Variants in ILDR2 observed in about 807,000 individuals in gnomAD.
ILDR2 encodes the protein immunoglobulin like domain containing receptor 2.
A neutral mutation model predicts 66.8 loss-of-function variants in ILDR2; 25 were observed. The observed-to-expected ratio is 0.37, with a 90% CI of 0.27 to 0.52. The LOEUF is 0.52. ILDR2 is among the 20% of genes least tolerant of loss of function. The pLI is 0.88. For missense variants in ILDR2, 827 were observed against 876.8 expected (o/e 0.94, Z 0.72); for synonymous variants, 367 against 357.2 (o/e 1.03, Z -0.31).
chr1:166,937,536 A>G (rs954230706), intron 4 of ILDR2, among the ~76,000 whole-genome samples: 6 of 152,242 alleles, frequency 3.9e-5, no homozygotes, highest in Non-Finnish European at 4.4e-5. Flanking sequence ...GCTGACATGT[A>G]TATCTGGGTA....
chr1:166,936,460 G>T lies in ILDR2; in HGVS notation c.703+131C>A. 1 of 1,389,080 alleles carries T rather than the reference G, an allele frequency of 7.2e-7. No homozygotes were observed. The highest frequency in any genetic ancestry group is 9.8e-7 in the Non-Finnish European group (1 of 1,015,380). The allele number at this position is 1,389,080 out of a possible 1,614,324, so 86.0% of individuals were successfully genotyped here. A position where few individuals can be genotyped will look rare whatever the true frequency, so the allele number is the denominator to read the frequency against. On this transcript the variant is annotated intron_variant, in intron 5 of 9. Coordinates refer to ENST00000271417, the MANE Select transcript of ILDR2 (RefSeq NM_199351.3). The surrounding 1 kb of genome is among the most constrained non-coding windows in gnomAD (Gnocchi z 5.0). ...GAGGCCAGGGGCACCCAGCGGAGAA[G>T]AGTCTGGAATGACCAATCTTGGGGG...
chr1:166,952,259 A>T (rs1283904896), intron 3 of ILDR2, among the ~76,000 whole-genome samples: 1 of 152,092 alleles, frequency 6.6e-6, no homozygotes, highest in Non-Finnish European at 1.5e-5. Context: ...TCCTAGACAA[A>T]TTTCTAATCT....
intron 8 of ILDR2, 66 bp downstream of exon 8, chr1:166,922,527 C>A: frequency 3.8e-6 from 5 of 1,329,616 alleles, no homozygotes; most frequent in Non-Finnish European, 5.4e-6. Flanking sequence ...TCCTTGCCTC[C>A]GATCTACCCT....
intron 6 of ILDR2, among the ~76,000 whole-genome samples, chr1:166,928,846 A>G (rs1261675197): frequency 3.3e-5 from 5 of 152,184 alleles, no homozygotes; most frequent in African/African-American, 1.2e-4. Context: ...AAATTAATGA[A>G]TCTCAGCACA....
chr1:166,958,989 C>T (rs1662450290), intron 1 of ILDR2, among the ~76,000 whole-genome samples: 1 of 152,178 alleles, frequency 6.6e-6, no homozygotes, highest in Admixed American at 6.5e-5. Context: ...GCCTCAGCCT[C>T]ACCTCTCACC....
chr1:166,950,312 A>G (rs972280250), intron 3 of ILDR2, among the ~76,000 whole-genome samples: 4 of 152,192 alleles, frequency 2.6e-5, no homozygotes, highest in African/African-American at 9.6e-5. Context: ...AAGACCTCCA[A>G]GGAGGCTGTT....
downstream of ILDR2, among the ~76,000 whole-genome samples, chr1:166,907,641 T>A (rs138034717): frequency 3.9e-5 from 6 of 152,342 alleles, no homozygotes; most frequent in East Asian, 1.2e-3. Flanking sequence ...TCATGGGTAA[T>A]CAATAATCAG....
At position 166,943,781 on chromosome 1, in the gene ILDR2, G is replaced by A. The variant is rs1232904734; in HGVS notation, c.500-4211C>T. On this transcript the variant is annotated intron_variant, in intron 3 of 9. Transcript: ENST00000271417. Reference sequence around the variant, plus strand: ...TTTCAGCAGCACTTTACCAACACTTGTGAATCGCTGTCATTCTTCCAGGAT... The same window carrying A: ...TTTCAGCAGCACTTTACCAACACTTATGAATCGCTGTCATTCTTCCAGGAT... The A allele has an allele frequency of 8.2e-6, 8 of 975,888 alleles. No homozygotes were observed. In the East Asian group the frequency reaches 9.1e-4, roughly 111 times the overall value. 60.5% of individuals were successfully genotyped at this position (975,888 alleles called of 1,614,324 possible). A position where few individuals can be genotyped will look rare whatever the true frequency, so the allele number is the denominator to read the frequency against.
rs1428699286 is a variant in ILDR2, at chr1:166,936,271, A to G, written c.703+320T>C. 4.6e-5 allele frequency among the ~76,000 whole-genome samples: 7 copies of G among 152,214 alleles called. No individual in the cohort carries two copies. Among genetic ancestry groups the G allele is most frequent in the Non-Finnish European group, 1.0e-4 (7 of 68,030 alleles). ...AGGTTTCCTCTAGTTTGAATGCCCCAGGGAGAGGGAACAGTCTTACACCAC... is the reference window on the plus strand; with the variant it reads ...AGGTTTCCTCTAGTTTGAATGCCCCGGGGAGAGGGAACAGTCTTACACCAC... On this transcript the variant is annotated intron_variant, in intron 5 of 9. Transcript: ENST00000271417. This position sits in a 1 kb window ranked among gnomAD's most constrained non-coding sequence, Gnocchi z 5.0.
chr1:166,901,483 A>C (rs1472948068), intron 2 of ILDR2, among the ~76,000 whole-genome samples: 1 of 152,170 alleles, frequency 6.6e-6, no homozygotes, highest in African/African-American at 2.4e-5. Context: ...TGAGGCTTTG[A>C]CACCAAGACA....
At position 166,916,600 on chromosome 1, in the gene ILDR2, G is replaced by A. The variant is rs1334976805; in HGVS notation, c.*2755C>T. On this transcript the variant is annotated 3_prime_UTR_variant, in exon 10 of 10. Transcript: ENST00000271417. ...CATAGAGGAAAGTCAGGGGTGCTGAGGACAAGAAGTTTTGACTTGTCAACT... is the reference window on the plus strand; with the variant it reads ...CATAGAGGAAAGTCAGGGGTGCTGAAGACAAGAAGTTTTGACTTGTCAACT... 3 of 152,220 alleles carry A rather than the reference G, an allele frequency of 2.0e-5. No individual in the cohort carries two copies. Among genetic ancestry groups the A allele is most frequent in the Non-Finnish European group, 4.4e-5 (3 of 68,050 alleles). The allele number at this position is 152,220 out of a possible 1,614,324, so 9.4% of individuals were successfully genotyped here.
Position 166,935,443 on chromosome 1 carries a change from G to A in ILDR2, c.738C>T (p.Tyr246=), listed in dbSNP as rs1348581831. The A allele has an allele frequency of 6.2e-7, 1 of 1,608,534 alleles. No individual in the cohort carries two copies. Among genetic ancestry groups the A allele is most frequent in the East Asian group, 2.2e-5 (1 of 44,812 alleles). The change falls in exon 6 of 10, where the codon TAC becomes TAT. Residue 246 remains tyrosine, a synonymous_variant. Transcript: ENST00000271417. ...YEAGKAAKAG[Y]PPSVSGVPGP... Reference sequence around the variant, plus strand: ...CGGGGACACCGGAGACAGAGGGAGGGTACCCGGCCTTTGCTGCTTTCCCTG... The same window carrying A: ...CGGGGACACCGGAGACAGAGGGAGGATACCCGGCCTTTGCTGCTTTCCCTG...
chr1:166,950,102 A>G (rs905300520), intron 3 of ILDR2, among the ~76,000 whole-genome samples: 1 of 152,262 alleles, frequency 6.6e-6, no homozygotes, highest in Non-Finnish European at 1.5e-5. Context: ...GGTACAGCTC[A>G]AGTCAAAAGA....
In ILDR2 at chr1:166,957,806, T is replaced by C. The variant is rs777110051; in HGVS notation, c.342A>G (p.Gly114=). The C allele has an allele frequency of 1.9e-6, 3 of 1,613,918 alleles. No individual in the cohort carries two copies. The highest frequency in any genetic ancestry group is 2.5e-6 in the Non-Finnish European group (3 of 1,179,936). The part of the protein sequence containing the change: ...ASKQGSTVTL[G]DFYRGREITI... ...TGATCTCTCTGCCCCTGTAGAAATC[T>C]CCCAGGGTGACAGTCGAGCCCTGTT... The change falls in exon 2 of 10, where the codon GGA becomes GGG. Residue 114 remains glycine, a synonymous_variant. Transcript: ENST00000271417.
intron 1 of ILDR2, among the ~76,000 whole-genome samples, chr1:166,973,771 G>T (rs964941932): frequency 6.6e-6 from 1 of 152,082 alleles, no homozygotes; most frequent in African/African-American, 2.4e-5. Context: ...CCAGGGGAGC[G>T]GGGTGGCATG....
intron 9 of ILDR2, among the ~76,000 whole-genome samples, chr1:166,919,872 C>A (rs988307092): frequency 6.6e-6 from 1 of 152,226 alleles, no homozygotes; most frequent in South Asian, 2.1e-4. Flanking sequence ...TCATAAAAAA[C>A]GGAATGGTGG....
Position 166,921,206 on chromosome 1 carries a change from G to T in ILDR2, c.1385C>A (p.Ser462Ter). ...CTGGTAGAAGCCGCTGTGCGCCCGCGACTCCGAGCGCTCGAAGCGGCTCCC... is the reference window on the plus strand; with the variant it reads ...CTGGTAGAAGCCGCTGTGCGCCCGCTACTCCGAGCGCTCGAAGCGGCTCCC... The part of the protein sequence containing the change: ...RGGSRFERSE[S>*]RAHSGFYQDD... Residue 462 changes from serine to a stop codon, truncating the protein, a stop_gained, in exon 9 of 10, where the codon TCG becomes TAG. Transcript: ENST00000271417. LOFTEE classifies it high-confidence loss of function. The surrounding 1 kb of genome is among the most constrained non-coding windows in gnomAD (Gnocchi z 5.3). The T allele has an allele frequency of 6.3e-7, 1 of 1,586,542 alleles. No homozygotes were observed. Among genetic ancestry groups the T allele is most frequent in the East Asian group, 2.3e-5 (1 of 44,176 alleles).
At chr1:166,930,614 G>A (rs1232755904) in intron 6 of ILDR2, among the ~76,000 whole-genome samples, 1 of 152,074 alleles carries the variant, frequency 6.6e-6, no homozygotes, top group East Asian at 1.9e-4. Context: ...ACATTCTGAG[G>A]AGCATATGAA....
At chr1:166,961,433 A>T (rs933132247) in intron 1 of ILDR2, among the ~76,000 whole-genome samples, 1 of 152,192 alleles carries the variant, frequency 6.6e-6, no homozygotes, top group African/African-American at 2.4e-5. Flanking sequence ...TCATGCTCCA[A>T]AAAAATAAAA....
Sources: allele counts gnomAD v4.1 joint callset (sites outside exome capture counted in the v4.1 genomes callset), GRCh38; gene constraint gnomAD v4.1.1; non-coding constraint Gnocchi (gnomAD v3.1); transcripts MANE v1.5; gene names NCBI Gene and HGNC (gene_info 2026-07-23, HGNC 2026-07-21).